Variants in CA12 observed in about 807,000 individuals in gnomAD.
CA12 encodes the protein carbonate dehydratase XII.
In CA12, 36 loss-of-function variants were observed where a neutral mutation model predicts 46.8. The observed-to-expected ratio is 0.77, with a 90% CI of 0.59 to 1.02. The LOEUF (loss-of-function observed/expected upper bound fraction) is 1.02, where lower values mean the gene tolerates loss of function less well. Ranked by LOEUF, CA12 falls within the 50% of genes least tolerant of loss-of-function variation. The probability of loss-of-function intolerance (pLI) is 0.00; values close to 1 mark genes in which losing one functional copy is unlikely to be tolerated. For synonymous variants in CA12, 202 were observed against 187.0 expected (o/e 1.08, Z -0.65); for missense variants, 436 against 451.4 (o/e 0.97, Z 0.31).
chr15:63,332,254 G>A (rs1243976243), intron 8 of CA12, among the ~76,000 whole-genome samples: 1 of 152,208 alleles, frequency 6.6e-6, no homozygotes, highest in African/African-American at 2.4e-5. Context: ...CCACAGAGTG[G>A]AGCCATCTTC....
At chr15:63,343,279 C>CTTTTTTTTT (rs35290345) in intron 4 of CA12, among the ~76,000 whole-genome samples, 4 of 98,778 alleles carry the variant, frequency 4.0e-5, no homozygotes, top group African/African-American at 1.5e-4. Flanking sequence ...TAGAAAGAAT[C>CTTTTTTTTT]TTTTTTTTTT....
chr15:63,354,053 T>C (rs141665460), intron 2 of CA12, among the ~76,000 whole-genome samples: 1,634 of 152,260 alleles, frequency 0.011, 28 homozygotes, highest in African/African-American at 0.037. Context: ...GTTTTCCTGC[T>C]GGGTAGGCGG....
chr15:63,381,748 G>C lies in CA12; in HGVS notation c.-28C>G. The C allele has an allele frequency of 6.6e-7, 1 of 1,516,828 alleles. No individual in the cohort carries two copies. Among genetic ancestry groups the C allele is most frequent in the Non-Finnish European group, 8.9e-7 (1 of 1,122,702 alleles). The allele number at this position is 1,516,828 out of a possible 1,614,324, so 94.0% of individuals were successfully genotyped here. On this transcript the variant is annotated 5_prime_UTR_variant, in exon 1 of 11. Transcript: ENST00000178638. Reference sequence around the variant, plus strand: ...TCGCGGGCTCCTGCGGGGCGGGCGCGGGCTGTGCCGGGGGCTCCCGGTGGC... The same window carrying C: ...TCGCGGGCTCCTGCGGGGCGGGCGCCGGCTGTGCCGGGGGCTCCCGGTGGC...
At chr15:63,380,286 G>C (rs1226685516) in intron 1 of CA12, among the ~76,000 whole-genome samples, 1 of 152,070 alleles carries the variant, frequency 6.6e-6, no homozygotes, top group African/African-American at 2.4e-5. Context: ...AAGAGGAAGA[G>C]CAGGGAAAGT....
chr15:63,351,514 T>A (rs2039231652), intron 2 of CA12, among the ~76,000 whole-genome samples: 1 of 151,914 alleles, frequency 6.6e-6, no homozygotes, highest in South Asian at 2.1e-4. Flanking sequence ...CCCCAACCTG[T>A]CAAAGTCTTC....
Position 63,340,675 on chromosome 15 carries a change from C to G in CA12, c.589+45G>C. The stretch of plus-strand genomic sequence containing the variant: ...CTTAAAGTCACACAGGGCTGACTAC[C>G]TCCTTCTCCAGCAGAGAGTGAATAT... On this transcript the variant is annotated intron_variant, in intron 6 of 10. Coordinates refer to ENST00000178638, the MANE Select transcript of CA12 (RefSeq NM_001218.5). The surrounding 1 kb of genome is among the most constrained non-coding windows in gnomAD (Gnocchi z 4.4). The G allele has an allele frequency of 6.3e-7, 1 of 1,585,332 alleles. No individual in the cohort carries two copies. The highest frequency in any genetic ancestry group is 8.7e-7 in the Non-Finnish European group (1 of 1,153,784).
Position 63,346,669 on chromosome 15 carries a change from C to T in CA12, c.147G>A (p.Ser49=), listed in dbSNP as rs369415306. 2.6e-5 allele frequency: 42 copies of T among 1,614,048 alleles called. No individual in the cohort carries two copies. Among genetic ancestry groups the T allele is most frequent in the African/African-American group, 8.0e-5 (6 of 74,910 alleles). The change falls in exon 3 of 11, where the codon TCG becomes TCA. Residue 49 remains serine, a synonymous_variant. Coordinates refer to ENST00000178638, the MANE Select transcript of CA12 (RefSeq NM_001218.5). ...GENSWSKKYP[S]CGGLLQSPID... is the part of the protein sequence containing the mutation. ...TGGGGGACTGCAGCAGGCCCCCACA[C>T]GACGGGTACTTCTTGGACCAGCTAT...
intron 2 of CA12, among the ~76,000 whole-genome samples, chr15:63,371,670 T>G (rs552096280): frequency 6.6e-6 from 1 of 152,066 alleles, no homozygotes; most frequent in African/African-American, 2.4e-5. Flanking sequence ...CAAACAGGGG[T>G]TTTCATCTAT....
chr15:63,377,781 C>A (rs1304706057), intron 1 of CA12, among the ~76,000 whole-genome samples: 1 of 152,052 alleles, frequency 6.6e-6, no homozygotes, highest in Admixed American at 6.6e-5. Flanking sequence ...TATTGTTTTA[C>A]CTTGATTGTT....
At chr15:63,364,332 G>GGAAAAAAAAAA (rs777342866) in intron 2 of CA12, among the ~76,000 whole-genome samples, 1 of 56,138 alleles carries the variant, frequency 1.8e-5, no homozygotes, top group South Asian at 1.1e-3. Flanking sequence ...CCCGTCACTA[G>GGAAAAAAAAAA]AAAAAAAAAA....
rs1402960383 is a variant in CA12 at position 63,326,178 on chromosome 15, A to C, written c.*107T>G. The C allele has an allele frequency of 1.1e-5, 10 of 886,590 alleles. No homozygotes were observed. Among genetic ancestry groups the C allele is most frequent in the Non-Finnish European group, 1.9e-5 (10 of 528,396 alleles). The allele number at this position is 886,590 out of a possible 1,614,324, so 54.9% of individuals were successfully genotyped here. On this transcript the variant is annotated 3_prime_UTR_variant, in exon 11 of 11. Transcript: ENST00000178638. ...TCCCTGAGGCCTGGCATGTTTGCAG[A>C]TTGAGCTACAGAGAACACCTTGAGG... is the stretch of plus-strand genomic sequence containing the variant.
intron 2 of CA12, among the ~76,000 whole-genome samples, chr15:63,349,064 A>G (rs2039191072): frequency 6.6e-6 from 1 of 152,186 alleles, no homozygotes; most frequent in Non-Finnish European, 1.5e-5. Flanking sequence ...GGGAGTCCAG[A>G]GAATGAGATT....
intron 2 of CA12, among the ~76,000 whole-genome samples, chr15:63,367,599 C>T (rs926751552): frequency 1.3e-5 from 2 of 152,216 alleles, no homozygotes; most frequent in Middle Eastern, 3.2e-3. Context: ...CTGCAGGTAT[C>T]TTTCTGAGAA....
intron 2 of CA12, among the ~76,000 whole-genome samples, chr15:63,371,577 G>T (rs2039507705): frequency 6.6e-6 from 1 of 152,236 alleles, no homozygotes; most frequent in South Asian, 2.1e-4. Context: ...CTGTGATAGG[G>T]GTTGGCGCAC....
intron 2 of CA12, among the ~76,000 whole-genome samples, chr15:63,359,013 C>A (rs2039327450): frequency 6.6e-6 from 1 of 152,010 alleles, no homozygotes; most frequent in Non-Finnish European, 1.5e-5. Flanking sequence ...TTTCTCAGAT[C>A]TCTGTGGCCA....
At position 63,373,900 on chromosome 15, in the gene CA12, G is replaced by A. The variant is rs1382101462; in HGVS notation, c.106+1758C>T. Among the ~76,000 whole-genome samples the A allele has an allele frequency of 6.6e-6, 1 of 152,144 alleles. No individual in the cohort carries two copies. On this transcript the variant is annotated intron_variant, in intron 2 of 10. Coordinates refer to ENST00000178638, the MANE Select transcript of CA12 (RefSeq NM_001218.5). This position sits in a 1 kb window ranked among gnomAD's most constrained non-coding sequence, Gnocchi z 4.9. Reference sequence around the variant, plus strand: ...CTCCTACACACGGAACCTGCCCAAGGGGCCCTGTGGCCCAGATTCTGCGAT... The same window carrying A: ...CTCCTACACACGGAACCTGCCCAAGAGGCCCTGTGGCCCAGATTCTGCGAT...
rs951672353 is a variant in CA12, at chr15:63,348,459, C to T, written c.107-1750G>A. ...GCAGCGGGGAGCAGAATGAAGCAACCGTGAGGCCTCATGTAGAACCCCAGG... is the reference window on the plus strand; with the variant it reads ...GCAGCGGGGAGCAGAATGAAGCAACTGTGAGGCCTCATGTAGAACCCCAGG... On this transcript the variant is annotated intron_variant, in intron 2 of 10. Coordinates refer to ENST00000178638, the MANE Select transcript of CA12 (RefSeq NM_001218.5). The surrounding 1 kb of genome is among the most constrained non-coding windows in gnomAD (Gnocchi z 4.6). Among the ~76,000 whole-genome samples the T allele has an allele frequency of 7.9e-5, 12 of 152,152 alleles. No homozygotes were observed. Among genetic ancestry groups the T allele is most frequent in the African/African-American group, 2.4e-4 (10 of 41,440 alleles).
Position 63,355,458 on chromosome 15 carries a change from C to T in CA12, c.107-8749G>A, listed in dbSNP as rs1391294576. On this transcript the variant is annotated intron_variant, in intron 2 of 10. Transcript: ENST00000178638. This position sits in a 1 kb window ranked among gnomAD's most constrained non-coding sequence, Gnocchi z 4.1. ...TCAAAATGCAGAGTCTCGGGCCCCA[C>T]CCCAGGCCTACCGAACCGGACACTC... 1.3e-5 allele frequency among the ~76,000 whole-genome samples: 2 copies of T among 152,256 alleles called. No individual in the cohort carries two copies. The highest frequency in any genetic ancestry group is 2.9e-5 in the Non-Finnish European group (2 of 68,054).
At chr15:63,352,610 G>A (rs183461227) in intron 2 of CA12, among the ~76,000 whole-genome samples, 224 of 152,300 alleles carry the variant, frequency 1.5e-3, no homozygotes, top group African/African-American at 4.9e-3. Context: ...TGGAGAACCT[G>A]CCTGGGCCCA....
Sources: gnomAD v4.1 joint callset for allele counts (sites outside exome capture counted in the v4.1 genomes callset) on GRCh38, gnomAD v4.1.1 for gene constraint, Gnocchi (gnomAD v3.1) non-coding constraint, MANE v1.5 for transcripts, NCBI Gene and HGNC (gene_info 2026-07-23, HGNC 2026-07-21) for gene names.